Variants in FOXP2 observed in about 807,000 individuals in gnomAD.
FOXP2 encodes the protein forkhead box protein P2.
Under a neutral mutation model 115.8 loss-of-function variants are expected in FOXP2, and 12 were observed. The observed-to-expected ratio is 0.10, with a 90% confidence interval of 0.07 to 0.17. The LOEUF (loss-of-function observed/expected upper bound fraction) is 0.17. Among genes scored for constraint, FOXP2 ranks in the 10% least tolerant of loss-of-function variants. The pLI is 1.00. For synonymous variants in FOXP2, 328 were observed against 297.7 expected, an observed-to-expected ratio of 1.10 and a Z score of -1.05; for missense variants, 629 against 843.5, an observed-to-expected ratio of 0.75 and a Z score of 3.15.
At chr7:114,644,879 G>C in intron 8 of FOXP2, 90 bp downstream of exon 8, 3 of 990,722 alleles carry the variant, frequency 3.0e-6, no homozygotes, top group Non-Finnish European at 4.7e-6. Flanking sequence ...GATGAAGGAG[G>C]AATGTAAAAG....
chr7:114,557,039 T>C (rs1800498331), intron 3 of FOXP2, among the ~76,000 whole-genome samples: 1 of 152,328 alleles, frequency 6.6e-6, no homozygotes, highest in African/African-American at 2.4e-5. Flanking sequence ...TTTCTTGAAA[T>C]TAATATGTAA....
intron 1 of FOXP2, among the ~76,000 whole-genome samples, chr7:114,183,847 T>C (rs1048487462): frequency 1.3e-5 from 2 of 152,158 alleles, no homozygotes; most frequent in African/African-American, 4.8e-5. Context: ...CTGGATCTAG[T>C]CTTGAATTCA....
rs908510210 is a variant in FOXP2, at chr7:114,398,202, C to T, written c.-10-28300C>T. On this transcript the variant is annotated intron_variant, in intron 2 of 17. Transcript: ENST00000634411. ...ATTGGATATTTGCAGTAAAAAATTACGTTTTTCAAAAATACCATATGTAAA... is the reference window on the plus strand; with the variant it reads ...ATTGGATATTTGCAGTAAAAAATTATGTTTTTCAAAAATACCATATGTAAA... 5.3e-5 allele frequency among the ~76,000 whole-genome samples: 8 copies of T among 151,814 alleles called. 1 individual carries two copies. The South Asian group carries it at 6.2e-4, about 12-fold the overall frequency.
chr7:114,543,056 A>G (rs1799755183), intron 3 of FOXP2, among the ~76,000 whole-genome samples: 1 of 152,066 alleles, frequency 6.6e-6, no homozygotes, highest in Non-Finnish European at 1.5e-5. Context: ...CGCTGGGATT[A>G]TAGCATGAGC....
chr7:114,590,938 T>A (rs1438496865), intron 3 of FOXP2, among the ~76,000 whole-genome samples: 3 of 152,158 alleles, frequency 2.0e-5, no homozygotes, highest in Non-Finnish European at 1.5e-5. Context: ...GACTCAGGAA[T>A]CTCATTGACA....
At chr7:114,248,539 T>C (rs1368100396) in intron 1 of FOXP2, among the ~76,000 whole-genome samples, 1 of 152,236 alleles carries the variant, frequency 6.6e-6, no homozygotes, top group Non-Finnish European at 1.5e-5. Flanking sequence ...TTGTGCCATT[T>C]AGTTTAGAAT....
chr7:114,242,536 T>TC lies in FOXP2; in HGVS notation c.-101-45483_-101-45482insC, dbSNP rs1289595919. 1.7e-4 allele frequency among the ~76,000 whole-genome samples: 26 copies of TC among 152,238 alleles called. 1 individual carries two copies. The highest frequency in any genetic ancestry group is 6.2e-4 in the South Asian group (3 of 4,826). On this transcript the variant is annotated intron_variant, in intron 1 of 17. Transcript: ENST00000634411. The stretch of plus-strand genomic sequence containing the variant: ...TACTCATAACCATTATTAATTGGAC[T>TC]AGAGATCATCCTCCAGGATTGACAA...
intron 1 of FOXP2, among the ~76,000 whole-genome samples, chr7:114,151,189 A>G (rs1232862703): frequency 1.3e-5 from 2 of 152,148 alleles, no homozygotes; most frequent in South Asian, 2.1e-4. Context: ...TCCCATGGTC[A>G]GATACCATCT....
intron 2 of FOXP2, among the ~76,000 whole-genome samples, chr7:114,359,336 C>A (rs1441037600): frequency 6.6e-6 from 1 of 152,218 alleles, no homozygotes; most frequent in Non-Finnish European, 1.5e-5. Context: ...AGGTGTGCTG[C>A]ACAGGCAGAG....
rs371314464 is a variant in FOXP2, at chr7:114,407,561, A to T, written c.-10-18941A>T. Among the ~76,000 whole-genome samples the T allele has an allele frequency of 3.3e-5, 5 of 152,308 alleles. No homozygotes were observed. In the South Asian group the frequency reaches 1.0e-3, roughly 32 times the overall value. ...AATGCTTTATGTAGTGAGAGGCACT[A>T]GATTACAAATATTAAATCAGCCTTT... On this transcript the variant is annotated intron_variant, in intron 2 of 17. Transcript: ENST00000634411.
chr7:114,129,552 A>G (rs1791815374), intron 1 of FOXP2, among the ~76,000 whole-genome samples: 1 of 152,232 alleles, frequency 6.6e-6, no homozygotes, highest in Non-Finnish European at 1.5e-5. Flanking sequence ...ATGCACTTTT[A>G]CTACTTAAAT....
intron 3 of FOXP2, among the ~76,000 whole-genome samples, chr7:114,608,205 C>T (rs1348065390): frequency 6.6e-6 from 1 of 152,178 alleles, no homozygotes; most frequent in Non-Finnish European, 1.5e-5. Flanking sequence ...TTTGCAGTTT[C>T]TGTGGGTTAG....
chr7:114,465,161 C>T (rs372094987), intron 2 of FOXP2, among the ~76,000 whole-genome samples: 18 of 152,150 alleles, frequency 1.2e-4, no homozygotes, highest in African/African-American at 3.4e-4. Context: ...GATGAGGTGT[C>T]GCCGTGTTGC....
intron 5 of FOXP2, chr7:114,630,564 A>G (rs562100938): frequency 1.2e-5 from 2 of 164,922 alleles, no homozygotes; most frequent in East Asian, 1.7e-4. Flanking sequence ...TGCATCAAAT[A>G]TAAACATAAT....
chr7:114,411,031 G>A (rs1267037003), upstream of FOXP2, among the ~76,000 whole-genome samples: 3 of 151,988 alleles, frequency 2.0e-5, no homozygotes, highest in African/African-American at 7.3e-5. Flanking sequence ...TTAGTGTTTG[G>A]GACAGGAAGA....
At chr7:114,334,962 A>ATATATATATATATATATATATAT in intron 2 of FOXP2, among the ~76,000 whole-genome samples, 1 of 127,576 alleles carries the variant, frequency 7.8e-6, no homozygotes, top group East Asian at 3.7e-4. Flanking sequence ...TATATATAGA[A>ATATATATATATATATATATATAT]ATCCAAGTAT....
At chr7:114,185,178 T>C (rs189450343) in intron 1 of FOXP2, among the ~76,000 whole-genome samples, 20 of 152,188 alleles carry the variant, frequency 1.3e-4, no homozygotes, top group African/African-American at 4.3e-4. Context: ...TTTTATGGTC[T>C]CCCATATTCC....
intron 1 of FOXP2, among the ~76,000 whole-genome samples, chr7:114,233,581 C>T (rs926465296): frequency 2.0e-5 from 3 of 152,214 alleles, no homozygotes; most frequent in Non-Finnish European, 4.4e-5. Context: ...AGGCTCACTC[C>T]ATCCTGAGAA....
chr7:114,468,933 T>A (rs1295428272), intron 2 of FOXP2, among the ~76,000 whole-genome samples: 2 of 152,188 alleles, frequency 1.3e-5, no homozygotes, highest in East Asian at 3.9e-4. Flanking sequence ...AAAATTGTTC[T>A]TTCTGCTTTT....
Sources: allele counts gnomAD v4.1 joint callset (sites outside exome capture counted in the v4.1 genomes callset), GRCh38; gene constraint gnomAD v4.1.1; transcripts MANE v1.5; gene names NCBI Gene and HGNC (gene_info 2026-07-23, HGNC 2026-07-21).